Variants in SPARCL1 observed in about 807,000 individuals in gnomAD.
SPARCL1 encodes SPARC-like protein 1.
In SPARCL1, 52 loss-of-function variants were observed where a neutral mutation model predicts 67.1. That is an observed-to-expected ratio of 0.78 (90% CI 0.62 to 0.98). The LOEUF (loss-of-function observed/expected upper bound fraction) is 0.98. Ranked by LOEUF, SPARCL1 falls within the 50% of genes least tolerant of loss-of-function variation. The pLI, the probability that SPARCL1 is intolerant of heterozygous loss-of-function variation, is 0.00. For missense variants in SPARCL1, 717 were observed against 782.4 expected, an observed-to-expected ratio of 0.92 and a Z score of 1.00; for synonymous variants, 226 against 267.8, an observed-to-expected ratio of 0.84 and a Z score of 1.52.
chr4:87,500,189 G>C (rs1254301121), intron 1 of SPARCL1, among the ~76,000 whole-genome samples: 6 of 152,166 alleles, frequency 3.9e-5, no homozygotes, highest in Non-Finnish European at 7.3e-5. Flanking sequence ...TGAACCATCT[G>C]ACCTCTTAGC....
chr4:87,499,732 CAG>C (rs1724770555), intron 1 of SPARCL1, 147 bp from the exon 2 acceptor site: 6 of 692,754 alleles, frequency 8.7e-6, no homozygotes, highest in Middle Eastern at 2.7e-4. Flanking sequence ...TCTGAAAAGA[CAG>C]ATTGATGGCA....
At chr4:87,524,573 C>T (rs775011848) in intron 1 of SPARCL1, among the ~76,000 whole-genome samples, 2 of 152,196 alleles carry the variant, frequency 1.3e-5, no homozygotes, top group African/African-American at 4.8e-5. Context: ...TGATTGTTTC[C>T]TTACCCCTAC....
intron 7 of SPARCL1, among the ~76,000 whole-genome samples, chr4:87,486,888 C>CCTTTTTTTT (rs1724083814): frequency 3.6e-5 from 1 of 27,968 alleles, no homozygotes; most frequent in Admixed American, 4.6e-4. Context: ...GCAATTCCTG[C>CCTTTTTTTT]TTTTTTTTTT....
chr4:87,473,666 T>C lies in SPARCL1; in HGVS notation c.*109A>G. Reference sequence around the variant, plus strand: ...ATTACTCTCATTGTCTTGTCATACATGCTAACATTTTGCTAAATATAAATC... The same window carrying C: ...ATTACTCTCATTGTCTTGTCATACACGCTAACATTTTGCTAAATATAAATC... On this transcript the variant is annotated 3_prime_UTR_variant, in exon 11 of 11. Coordinates refer to ENST00000282470, the MANE Select transcript of SPARCL1 (RefSeq NM_004684.6). 2.7e-6 allele frequency: 2 copies of C among 742,316 alleles called. No individual in the cohort carries two copies. The highest frequency in any genetic ancestry group is 4.5e-6 in the Non-Finnish European group (2 of 447,024). 46.0% of individuals were successfully genotyped at this position (742,316 alleles called of 1,614,324 possible). A position where few individuals can be genotyped will look rare whatever the true frequency, so the allele number is the denominator to read the frequency against.
At chr4:87,516,202 G>A (rs868614546) in intron 1 of SPARCL1, among the ~76,000 whole-genome samples, 3 of 152,154 alleles carry the variant, frequency 2.0e-5, no homozygotes, top group African/African-American at 7.2e-5. Context: ...CGCAGGACAC[G>A]TGAGTGGAGA....
intron 1 of SPARCL1, among the ~76,000 whole-genome samples, chr4:87,519,419 C>A (rs1477561566): frequency 2.0e-5 from 3 of 152,098 alleles, no homozygotes; most frequent in African/African-American, 7.2e-5. Flanking sequence ...CAAGTTGAAT[C>A]AAATAATGTA....
In SPARCL1 at chr4:87,473,725, G is replaced by A; in HGVS notation, c.*50C>T. On this transcript the variant is annotated 3_prime_UTR_variant, in exon 11 of 11. Transcript: ENST00000282470. ...TCACAGCTGCATATATTTCTGAAGT[G>A]GTTAGAACAGAGGAGGATGCTGGAA... The A allele has an allele frequency of 7.1e-7, 1 of 1,417,214 alleles. No individual in the cohort carries two copies. The highest frequency in any genetic ancestry group is 2.3e-5 in the East Asian group (1 of 43,410). 87.8% of individuals were successfully genotyped at this position (1,417,214 alleles called of 1,614,324 possible).
chr4:87,498,761 C>T (rs1294774702), intron 2 of SPARCL1, among the ~76,000 whole-genome samples: 6 of 152,278 alleles, frequency 3.9e-5, no homozygotes, highest in South Asian at 2.1e-4. Context: ...ATTACCATAT[C>T]GTTTCCTGCC....
At chr4:87,498,667 G>A (rs1724721215) in intron 2 of SPARCL1, among the ~76,000 whole-genome samples, 1 of 152,136 alleles carries the variant, frequency 6.6e-6, no homozygotes, top group Non-Finnish European at 1.5e-5. Flanking sequence ...ATCTGACCAT[G>A]AAGAAGAGAA....
At chr4:87,512,609 G>T (rs1183974126) in intron 1 of SPARCL1, among the ~76,000 whole-genome samples, 1 of 152,138 alleles carries the variant, frequency 6.6e-6, no homozygotes, top group African/African-American at 2.4e-5. Flanking sequence ...CCTCCTGGAT[G>T]ATTCAGCCCC....
chr4:87,511,047 G>A (rs1204890673), intron 1 of SPARCL1, among the ~76,000 whole-genome samples: 5 of 152,194 alleles, frequency 3.3e-5, no homozygotes, highest in Admixed American at 3.3e-4. Context: ...GGCGGGCTGA[G>A]TAAACAAGGC....
rs890671314 is a variant in SPARCL1 at position 87,482,497 on chromosome 4, T to C, written c.1595A>G (p.Lys532Arg). The change falls in exon 8 of 11, where the codon AAG (lysine) becomes AGG (arginine). Residue 532 changes from lysine to arginine, a missense_variant. Transcript: ENST00000282470. ...TTCATAAAGCTGCATGAGGATATTCTTGAGCCAGTCTCTCATCCGTAGAGG... is the reference window on the plus strand; with the variant it reads ...TTCATAAAGCTGCATGAGGATATTCCTGAGCCAGTCTCTCATCCGTAGAGG... Reference protein sequence around the residue: ...QFPLRMRDWLKNILMQLYEAN... With the variant: ...QFPLRMRDWLRNILMQLYEAN... 6 of 1,613,960 alleles carry C rather than the reference T, an allele frequency of 3.7e-6. No homozygotes were observed. The highest frequency in any genetic ancestry group is 4.2e-6 in the Non-Finnish European group (5 of 1,179,962).
intron 4 of SPARCL1, among the ~76,000 whole-genome samples, chr4:87,492,355 T>A (rs1056741365): frequency 3.3e-5 from 5 of 151,206 alleles, no homozygotes; most frequent in African/African-American, 1.2e-4. Flanking sequence ...GAGGCAGAGG[T>A]TGCAGTGAGC....
intron 1 of SPARCL1, among the ~76,000 whole-genome samples, chr4:87,508,889 G>GTATATACA: frequency 7.2e-6 from 1 of 138,360 alleles, no homozygotes. Flanking sequence ...ATGTATATAA[G>GTATATACA]TATATATATA....
chr4:87,501,220 C>T (rs1724832266), intron 1 of SPARCL1, among the ~76,000 whole-genome samples: 1 of 152,132 alleles, frequency 6.6e-6, no homozygotes, highest in African/African-American at 2.4e-5. Context: ...ACTGGTGTAT[C>T]TCCGGCTGCT....
At chr4:87,485,671 T>C (rs867153150) in intron 7 of SPARCL1, among the ~76,000 whole-genome samples, 3 of 152,320 alleles carry the variant, frequency 2.0e-5, no homozygotes, top group South Asian at 2.1e-4. Context: ...TCTGGTAGAA[T>C]TCAGCTGTGA....
intron 1 of SPARCL1, among the ~76,000 whole-genome samples, chr4:87,508,408 C>T (rs958090089): frequency 8.6e-5 from 13 of 151,730 alleles, no homozygotes; most frequent in Non-Finnish European, 1.8e-4. Flanking sequence ...CTATGTTGCC[C>T]AGGATGGTCT....
At chr4:87,498,400 AG>A (rs1437748433) in intron 2 of SPARCL1, among the ~76,000 whole-genome samples, 2 of 152,188 alleles carry the variant, frequency 1.3e-5, no homozygotes, top group Non-Finnish European at 2.9e-5. Flanking sequence ...AAGGGAGGAA[AG>A]GGACGATTGA....
intron 9 of SPARCL1, among the ~76,000 whole-genome samples, chr4:87,480,031 CT>C (rs35136104): frequency 0.2 from 29,558 of 145,254 alleles, 4,062 homozygotes; most frequent in African/African-American, 0.4. Flanking sequence ...TTCACAGCAG[CT>C]TTTTTTTTTT....
Sources: gnomAD v4.1 joint callset for allele counts (sites outside exome capture counted in the v4.1 genomes callset) on GRCh38, gnomAD v4.1.1 for gene constraint, MANE v1.5 for transcripts, NCBI Gene and HGNC (gene_info 2026-07-23, HGNC 2026-07-21) for gene names.